Variants in NEDD9 observed in about 807,000 individuals in gnomAD.
NEDD9 encodes the protein enhancer of filamentation 1.
NEDD9 carries 26 observed loss-of-function variants against 76.6 expected under a neutral mutation model. That is an observed-to-expected ratio of 0.34 (90% CI 0.25 to 0.47). The LOEUF (loss-of-function observed/expected upper bound fraction) is 0.47. NEDD9 is among the 20% of genes least tolerant of loss of function. NEDD9 has a pLI of 1.00. For synonymous variants in NEDD9, 392 were observed against 414.2 expected (o/e 0.95, Z 0.65); for missense variants, 937 against 1,058.5 (o/e 0.89, Z 1.59).
At chr6:11,238,069 A>G (rs1210539817) in intron 3 of NEDD9, among the ~76,000 whole-genome samples, 1 of 152,206 alleles carries the variant, frequency 6.6e-6, no homozygotes. Flanking sequence ...CCAGCCATTG[A>G]GAGTTTTCTC....
At chr6:11,363,076 A>G (rs906593356) in intron 1 of NEDD9, among the ~76,000 whole-genome samples, 2 of 152,174 alleles carry the variant, frequency 1.3e-5, no homozygotes, top group East Asian at 3.9e-4. Context: ...ATACTAAAAG[A>G]TATCTAAATT....
chr6:11,296,973 C>T (rs1291656732), intron 3 of NEDD9, among the ~76,000 whole-genome samples: 1 of 152,206 alleles, frequency 6.6e-6, no homozygotes, highest in Non-Finnish European at 1.5e-5. Flanking sequence ...AGGCGGTCCA[C>T]CCACCTCGGC....
intron 1 of NEDD9, among the ~76,000 whole-genome samples, chr6:11,335,308 C>G (rs909882679): frequency 6.6e-6 from 1 of 152,110 alleles, no homozygotes; most frequent in African/African-American, 2.4e-5. Context: ...AAACTTGCAC[C>G]AAAATATGGT....
At chr6:11,280,496 G>T (rs1211757412) in intron 3 of NEDD9, among the ~76,000 whole-genome samples, 1 of 152,174 alleles carries the variant, frequency 6.6e-6, no homozygotes, top group Non-Finnish European at 1.5e-5. Flanking sequence ...GGGAGGACTG[G>T]GTGTCTTCCA....
In NEDD9 at chr6:11,190,149, T is replaced by C. The variant is rs968321273; in HGVS notation, c.1720A>G (p.Met574Val). ...LHLKNGPESIMNSTEYPHGGS... is the reference protein window; with the variant it reads ...LHLKNGPESIVNSTEYPHGGS... ...CCGTGTGGGTACTCCGTTGAGTTCA[T>C]GATGCTCTCCGGCCCATTCTTCAGA... Residue 574 changes from methionine to valine, a missense_variant, in exon 5 of 7, where the codon ATG (methionine) becomes GTG (valine). By Grantham distance (21) the Met-to-Val change is conservative. Transcript: ENST00000379446. The surrounding 1 kb of genome is among the most constrained non-coding windows in gnomAD (Gnocchi z 5.8). The C allele has an allele frequency of 6.2e-7, 1 of 1,614,126 alleles. No individual in the cohort carries two copies. Among genetic ancestry groups the C allele is most frequent in the Admixed American group, 1.7e-5 (1 of 60,028 alleles).
chr6:11,342,688 A>G (rs1483743158), intron 1 of NEDD9, among the ~76,000 whole-genome samples: 2 of 152,250 alleles, frequency 1.3e-5, no homozygotes, highest in African/African-American at 2.4e-5. Flanking sequence ...TCTTCAGTAT[A>G]AAGAGAATAG....
At chr6:11,273,376 AATTT>A (rs1760352656) in intron 3 of NEDD9, among the ~76,000 whole-genome samples, 1 of 152,238 alleles carries the variant, frequency 6.6e-6, no homozygotes, top group Non-Finnish European at 1.5e-5. Flanking sequence ...TAAAATGAAC[AATTT>A]GTTTGTAAAT....
intron 3 of NEDD9, among the ~76,000 whole-genome samples, chr6:11,290,113 C>T (rs1705560723): frequency 6.6e-6 from 1 of 152,220 alleles, no homozygotes; most frequent in Admixed American, 6.5e-5. Flanking sequence ...GACAGCCTTA[C>T]GATTCCGTTA....
intron 1 of NEDD9, among the ~76,000 whole-genome samples, chr6:11,373,861 C>T (rs1445270851): frequency 2.0e-5 from 3 of 152,108 alleles, no homozygotes; most frequent in South Asian, 4.1e-4. Flanking sequence ...GGCCTCCAAT[C>T]AGTTGAAGGC....
At chr6:11,320,775 T>G (rs1761779178) in intron 2 of NEDD9, among the ~76,000 whole-genome samples, 1 of 152,130 alleles carries the variant, frequency 6.6e-6, no homozygotes, top group Non-Finnish European at 1.5e-5. Flanking sequence ...GAGTGAAAAG[T>G]GTAAGATGCA....
chr6:11,226,997 GT>G (rs1165394404), intron 1 of NEDD9, among the ~76,000 whole-genome samples: 4 of 152,032 alleles, frequency 2.6e-5, no homozygotes, highest in Non-Finnish European at 1.5e-5. Context: ...TGTTGTTGTT[GT>G]TTTTTTACTA....
chr6:11,361,472 G>C (rs563967154), intron 1 of NEDD9, among the ~76,000 whole-genome samples: 28 of 152,026 alleles, frequency 1.8e-4, no homozygotes, highest in South Asian at 8.3e-4. Flanking sequence ...CAAGGGGCAG[G>C]GGGGAGGTAC....
intron 2 of NEDD9, among the ~76,000 whole-genome samples, chr6:11,332,915 G>A (rs1762074975): frequency 1.3e-5 from 2 of 152,140 alleles, no homozygotes; most frequent in South Asian, 2.1e-4. Flanking sequence ...CATAGAAGCG[G>A]TTAATAGTCC....
At chr6:11,193,823 T>C in intron 2 of NEDD9, 131 bp from the exon 3 acceptor site, 1 of 564,080 alleles carries the variant, frequency 1.8e-6, no homozygotes, top group Non-Finnish European at 3.1e-6. Flanking sequence ...AAAGAAGACA[T>C]AACAGGAAGG....
intron 1 of NEDD9, among the ~76,000 whole-genome samples, chr6:11,366,290 G>A (rs28622245): frequency 1.2e-5 from 1 of 85,264 alleles, no homozygotes; most frequent in African/African-American, 4.4e-5. Context: ...AAGGAAGGAA[G>A]GAAGGAAAGA....
At chr6:11,283,663 T>G (rs1162845769) in intron 3 of NEDD9, among the ~76,000 whole-genome samples, 1 of 152,208 alleles carries the variant, frequency 6.6e-6, no homozygotes, top group African/African-American at 2.4e-5. Context: ...GAATGCCTCT[T>G]TCTTGAATCT....
At chr6:11,280,997 A>G (rs1760525463) in intron 3 of NEDD9, among the ~76,000 whole-genome samples, 1 of 152,236 alleles carries the variant, frequency 6.6e-6, no homozygotes, top group Non-Finnish European at 1.5e-5. Flanking sequence ...CACAGATTCT[A>G]CGACATGCAT....
intron 1 of NEDD9, among the ~76,000 whole-genome samples, chr6:11,219,461 G>A (rs1441571416): frequency 6.6e-6 from 1 of 152,180 alleles, no homozygotes; most frequent in Non-Finnish European, 1.5e-5. Flanking sequence ...CATGGCCTCA[G>A]GGTTGCCCCA....
intron 3 of NEDD9, among the ~76,000 whole-genome samples, chr6:11,291,875 A>T (rs1423472922): frequency 1.3e-5 from 2 of 152,238 alleles, no homozygotes; most frequent in Admixed American, 1.3e-4. Flanking sequence ...TTAGCAACAT[A>T]GATCTCCAAC....
Sources: allele counts gnomAD v4.1 joint callset (sites outside exome capture counted in the v4.1 genomes callset), GRCh38; gene constraint gnomAD v4.1.1; non-coding constraint Gnocchi (gnomAD v3.1); transcripts MANE v1.5; gene names NCBI Gene and HGNC (gene_info 2026-07-23, HGNC 2026-07-21).